ATP11C: variants seen among roughly 807,000 people sequenced by gnomAD.
The protein encoded by ATP11C is ATPase phospholipid transporting 11C (ATP11C blood group).
ATP11C carries 36 observed loss-of-function variants against 97.4 expected under a neutral mutation model. That is an observed-to-expected ratio of 0.37 (90% CI 0.28 to 0.49). The LOEUF is 0.49. ATP11C is among the 20% of genes least tolerant of loss of function. The pLI is 0.98. For synonymous variants in ATP11C, 275 were observed against 290.9 expected (o/e 0.95, Z 0.56); for missense variants, 730 against 824.6 (o/e 0.89, Z 1.40).
intron 1 of ATP11C, among the ~76,000 whole-genome samples, chrX:139,827,276 A>T (rs999909252): frequency 2.7e-5 from 3 of 112,147 alleles, no homozygotes; most frequent in African/African-American, 9.7e-5. Flanking sequence ...ATTACTTCTA[A>T]ACACAAAATA....
chrX:139,805,610 T>C (rs750878021), intron 5 of ATP11C, among the ~76,000 whole-genome samples: 5 of 112,052 alleles, frequency 4.5e-5, no homozygotes, highest in African/African-American at 1.6e-4. Context: ...ATGGTACATA[T>C]TGAAAATTAT....
intron 27 of ATP11C, 105 bp from the exon 28 acceptor site, chrX:139,738,174 C>T: frequency 8.8e-6 from 5 of 568,381 alleles, no homozygotes; most frequent in Non-Finnish European, 1.2e-5. Flanking sequence ...ATCTTCCTTA[C>T]ATACATTAAT....
intron 1 of ATP11C, among the ~76,000 whole-genome samples, chrX:139,830,943 T>C (rs2083635234): frequency 9.0e-6 from 1 of 111,070 alleles, no homozygotes; most frequent in South Asian, 3.8e-4. Flanking sequence ...ATCACTACAG[T>C]GCCAGGAAAC....
At chrX:139,793,760 T>C (rs1042203044) in intron 12 of ATP11C, among the ~76,000 whole-genome samples, 2 of 112,178 alleles carry the variant, frequency 1.8e-5, no homozygotes, top group African/African-American at 6.5e-5. Flanking sequence ...GTCACTGATG[T>C]TGACTTCACC....
At chrX:139,901,667 T>C (rs887785447) in intron 1 of ATP11C, among the ~76,000 whole-genome samples, 2 of 111,202 alleles carry the variant, frequency 1.8e-5, no homozygotes, top group African/African-American at 3.3e-5. Flanking sequence ...ATAGAAGATA[T>C]TGTATAGATT....
intron 1 of ATP11C, among the ~76,000 whole-genome samples, chrX:139,839,849 T>C (rs769377423): frequency 8.9e-6 from 1 of 111,771 alleles, no homozygotes; most frequent in East Asian, 2.8e-4. Context: ...TCTTTCTCTA[T>C]TATAACCCAT....
At chrX:139,785,884 T>C (rs1326555794) in intron 15 of ATP11C, among the ~76,000 whole-genome samples, 2 of 111,123 alleles carry the variant, frequency 1.8e-5, no homozygotes, top group African/African-American at 6.6e-5. Flanking sequence ...AAGGGTAATA[T>C]GATGAAGAAA....
intron 1 of ATP11C, among the ~76,000 whole-genome samples, chrX:139,842,299 G>A (rs1362864123): frequency 8.9e-6 from 1 of 112,471 alleles, no homozygotes; most frequent in East Asian, 2.8e-4. Flanking sequence ...CCCAAAGTGA[G>A]CAGGTTTTAA....
chrX:139,883,790 A>G (rs894931915), intron 1 of ATP11C, among the ~76,000 whole-genome samples: 5 of 111,835 alleles, frequency 4.5e-5, no homozygotes, highest in African/African-American at 1.3e-4. Flanking sequence ...AAATAGACAA[A>G]TCGAAGATAT....
At chrX:139,783,997 C>G (rs1384804729) in intron 16 of ATP11C, among the ~76,000 whole-genome samples, 1 of 112,419 alleles carries the variant, frequency 8.9e-6, no homozygotes, top group African/African-American at 3.2e-5. Context: ...GCTTCTAAAA[C>G]AATGGCTTGA....
chrX:139,926,282 A>T (rs903456599), intron 1 of ATP11C, among the ~76,000 whole-genome samples: 2 of 111,586 alleles, frequency 1.8e-5, no homozygotes, highest in Admixed American at 1.9e-4. Flanking sequence ...ATGTACAGGA[A>T]ATTCCACCAC....
chrX:139,896,521 GAAGT>G (rs2084807054), intron 1 of ATP11C, among the ~76,000 whole-genome samples: 1 of 103,146 alleles, frequency 9.7e-6, no homozygotes, highest in Non-Finnish European at 2.0e-5. Context: ...AAATCTGAAT[GAAGT>G]ATGAACTTCA....
At chrX:139,866,535 T>G (rs893512152) in intron 1 of ATP11C, among the ~76,000 whole-genome samples, 5 of 108,128 alleles carry the variant, frequency 4.6e-5, no homozygotes, top group Admixed American at 4.0e-4. Context: ...CTAGACAACA[T>G]GGAGAAACCC....
At chrX:139,904,128 A>T (rs2148115890) in intron 1 of ATP11C, among the ~76,000 whole-genome samples, 1 of 112,438 alleles carries the variant, frequency 8.9e-6, no homozygotes, top group East Asian at 2.8e-4. Context: ...ATAATTTGTG[A>T]ATTTTCTGCT....
intron 12 of ATP11C, among the ~76,000 whole-genome samples, chrX:139,795,569 G>C (rs909879609): frequency 4.5e-5 from 5 of 111,199 alleles, no homozygotes; most frequent in African/African-American, 1.6e-4. Flanking sequence ...AGCTCACAAA[G>C]ATCATTACAT....
chrX:139,798,353 T>C lies in ATP11C; in HGVS notation c.777A>G (p.Gly259=). 8.5e-7 allele frequency: 1 copy of C among 1,173,132 alleles called. No individual in the cohort carries two copies. The highest frequency in any genetic ancestry group is 1.2e-6 in the Non-Finnish European group (1 of 866,557). Residue 259 remains glycine, a splice_region_variant and synonymous_variant, in exon 10 of 30, where the codon GGA becomes GGG. Transcript: ENST00000682941. ...ATLKNTEKIY[G]VAVYTGMETK... is the part of the protein sequence containing the mutation. ...TTTCCATTCCAGTGTAAACAGCAAC[T>C]CCTAAGAAATTACAGAATATAATAA...
chrX:139,753,249 A>G (rs1223823484), intron 23 of ATP11C, among the ~76,000 whole-genome samples: 4 of 111,913 alleles, frequency 3.6e-5, no homozygotes, highest in African/African-American at 1.3e-4. Flanking sequence ...ATTCAAAAAA[A>G]CAAAAATCAT....
intron 1 of ATP11C, 125 bp downstream of exon 1, chrX:139,931,891 G>A (rs1466186565): frequency 1.2e-6 from 1 of 857,486 alleles, no homozygotes; most frequent in African/African-American, 2.1e-5. Flanking sequence ...TGAAAAGGAA[G>A]AAGAGGGGTG....
chrX:139,742,494 G>T (rs769873985), intron 26 of ATP11C, among the ~76,000 whole-genome samples: 2 of 111,647 alleles, frequency 1.8e-5, no homozygotes, highest in African/African-American at 6.5e-5. Context: ...AAAATTTAGA[G>T]GGAAAGGTAA....
Sources: gnomAD v4.1 joint callset for allele counts (sites outside exome capture counted in the v4.1 genomes callset) on GRCh38, gnomAD v4.1.1 for gene constraint, MANE v1.5 for transcripts, NCBI Gene and HGNC (gene_info 2026-07-23, HGNC 2026-07-21) for gene names.